GPC5: variants seen among roughly 807,000 people sequenced by gnomAD.
GPC5 encodes the protein glypican 5, also known as glypican-5.
GPC5 carries 47 observed loss-of-function variants against 53.9 expected under a neutral mutation model. The ratio of observed to expected loss-of-function variants is 0.87; its 90% CI spans 0.69 to 1.11. GPC5 has a LOEUF of 1.11. Among genes scored for constraint, GPC5 ranks in the 50% most tolerant of loss-of-function variants. The pLI, the probability that GPC5 is intolerant of heterozygous loss-of-function variation, is 0.00. For synonymous variants in GPC5, 286 were observed against 263.3 expected, an observed-to-expected ratio of 1.09 and a Z score of -0.84; for missense variants, 748 against 713.1, an observed-to-expected ratio of 1.05 and a Z score of -0.56.
At chr13:92,560,129 G>A (rs1393608837) in intron 7 of GPC5, among the ~76,000 whole-genome samples, 1 of 151,724 alleles carries the variant, frequency 6.6e-6, no homozygotes, top group African/African-American at 2.4e-5. Flanking sequence ...AATATTATTA[G>A]CAAAATATAA....
chr13:91,778,184 G>A (rs1164041697), intron 5 of GPC5, among the ~76,000 whole-genome samples: 1 of 151,998 alleles, frequency 6.6e-6, no homozygotes, highest in African/African-American at 2.4e-5. Flanking sequence ...AACTTAATAG[G>A]TGGCCAAATT....
At chr13:92,511,607 G>C (rs887704877) in intron 7 of GPC5, among the ~76,000 whole-genome samples, 3 of 152,068 alleles carry the variant, frequency 2.0e-5, no homozygotes, top group Non-Finnish European at 4.4e-5. Context: ...TTTGGATGTT[G>C]TTTCACTTAC....
At chr13:92,566,268 T>A (rs551950537) in intron 7 of GPC5, among the ~76,000 whole-genome samples, 12 of 152,238 alleles carry the variant, frequency 7.9e-5, no homozygotes, top group Non-Finnish European at 1.0e-4. Context: ...TGAATAGCTA[T>A]CAATTTAGAA....
rs547399880 is a variant in GPC5 at position 92,571,989 on chromosome 13, CGCAACACT to C, written c.1562-294289_1562-294282del. ...GGTCAAGGCTGCAGTGAGAAATGAT[CGCAACACT>C]GCACGCCGGCCTGGACAACAGAATG... On this transcript the variant is annotated intron_variant, in intron 7 of 7. Transcript: ENST00000377067. Among the ~76,000 whole-genome samples the C allele has an allele frequency of 3.5e-3, 527 of 152,044 alleles. 2 individuals carry two copies. Among genetic ancestry groups the C allele is most frequent in the Admixed American group, 5.6e-3 (85 of 15,278 alleles).
chr13:91,956,147 C>T (rs1475020675), intron 6 of GPC5, among the ~76,000 whole-genome samples: 2 of 151,974 alleles, frequency 1.3e-5, no homozygotes, highest in Non-Finnish European at 2.9e-5. Context: ...GAAGACAGGC[C>T]CACCCAGTTC....
intron 2 of GPC5, among the ~76,000 whole-genome samples, chr13:91,668,757 G>C (rs2035177036): frequency 6.6e-6 from 1 of 152,030 alleles, no homozygotes; most frequent in African/African-American, 2.4e-5. Flanking sequence ...TTAACTTATT[G>C]TTTGTGCAAA....
chr13:92,413,931 T>A (rs1193472439), intron 7 of GPC5, among the ~76,000 whole-genome samples: 1 of 152,248 alleles, frequency 6.6e-6, no homozygotes, highest in Non-Finnish European at 1.5e-5. Flanking sequence ...ACATAATCTA[T>A]CAAAATTTTC....
intron 5 of GPC5, among the ~76,000 whole-genome samples, chr13:91,814,829 C>T (rs1483411811): frequency 6.6e-6 from 1 of 152,186 alleles, no homozygotes; most frequent in Non-Finnish European, 1.5e-5. Context: ...GCATAAGCCA[C>T]CGCACCTGGC....
chr13:92,663,856 C>CTATATATATATA (rs201565650), intron 7 of GPC5, among the ~76,000 whole-genome samples: 23 of 88,372 alleles, frequency 2.6e-4, no homozygotes, highest in African/African-American at 4.3e-4. Context: ...CACACACACA[C>CTATATATATATA]TATATATATA....
chr13:92,411,003 G>T (rs944048536), intron 7 of GPC5, among the ~76,000 whole-genome samples: 1 of 152,222 alleles, frequency 6.6e-6, no homozygotes, highest in African/African-American at 2.4e-5. Context: ...GGGAGACCAA[G>T]GCAGGTGGAT....
chr13:91,538,436 C>G (rs9589283), intron 2 of GPC5, among the ~76,000 whole-genome samples: 1 of 151,998 alleles, frequency 6.6e-6, no homozygotes, highest in Admixed American at 6.6e-5. Context: ...CGTAAAACTG[C>G]GTACTATTTT....
intron 7 of GPC5, among the ~76,000 whole-genome samples, chr13:92,706,447 GT>G (rs1887954720): frequency 6.6e-6 from 1 of 151,936 alleles, no homozygotes; most frequent in African/African-American, 2.4e-5. Flanking sequence ...CAGAAAAAAA[GT>G]TTCCATAAGA....
intron 7 of GPC5, among the ~76,000 whole-genome samples, chr13:92,341,855 G>A (rs1166162537): frequency 1.3e-5 from 2 of 151,994 alleles, no homozygotes; most frequent in Non-Finnish European, 2.9e-5. Flanking sequence ...TTTATCGAGG[G>A]GGAAATCTTT....
At chr13:92,049,246 AT>A (rs1296673085) in intron 6 of GPC5, among the ~76,000 whole-genome samples, 1 of 152,152 alleles carries the variant, frequency 6.6e-6, no homozygotes, top group Non-Finnish European at 1.5e-5. Context: ...ATATATCTAA[AT>A]TAGTAACTCC....
At chr13:92,512,637 G>A (rs1880616073) in intron 7 of GPC5, among the ~76,000 whole-genome samples, 1 of 152,194 alleles carries the variant, frequency 6.6e-6, no homozygotes, top group East Asian at 1.9e-4. Context: ...CCAATATCCA[G>A]TTAGCTCTTC....
chr13:92,174,530 A>C lies in GPC5; in HGVS notation c.1561+29541A>C, dbSNP rs1593961345. Among the ~76,000 whole-genome samples, 3 of 144,986 alleles carry C rather than the reference A, an allele frequency of 2.1e-5. No homozygotes were observed. The South Asian group carries it at 6.6e-4, about 32-fold the overall frequency. On this transcript the variant is annotated intron_variant, in intron 7 of 7. Transcript: ENST00000377067. ...AGCCTAGGCGACAGAGCGAGATTCC[A>C]ACTCAAAGAAAAAAAAAAAACAAAA...
chr13:91,832,398 C>G (rs772837460), intron 5 of GPC5, among the ~76,000 whole-genome samples: 1 of 150,840 alleles, frequency 6.6e-6, no homozygotes, highest in African/African-American at 2.4e-5. Context: ...GATGGGCCTC[C>G]TGAATAGAGT....
intron 2 of GPC5, among the ~76,000 whole-genome samples, 160 bp from the exon 3 acceptor site, chr13:91,693,027 C>T (rs1473343598): frequency 2.6e-5 from 4 of 152,092 alleles, no homozygotes; most frequent in Non-Finnish European, 4.4e-5. Flanking sequence ...CATTCTTGTC[C>T]GGTCATTATC....
chr13:91,999,998 A>G (rs2040540218), intron 6 of GPC5, among the ~76,000 whole-genome samples: 1 of 152,206 alleles, frequency 6.6e-6, no homozygotes, highest in Non-Finnish European at 1.5e-5. Context: ...CTGGCCAGTG[A>G]TCTCTATAAA....
Sources: gnomAD v4.1 joint callset for allele counts (sites outside exome capture counted in the v4.1 genomes callset) on GRCh38, gnomAD v4.1.1 for gene constraint, MANE v1.5 for transcripts, NCBI Gene and HGNC (gene_info 2026-07-23, HGNC 2026-07-21) for gene names.